The following ZNF804A variants were observed in gnomAD, a reference collection of about 807,000 sequenced individuals.
ZNF804A encodes zinc finger protein 804A.
ZNF804A carries 2 observed loss-of-function variants against 16.5 expected under a neutral mutation model. That is an observed-to-expected ratio of 0.12 (90% CI 0.05 to 0.38). ZNF804A has a LOEUF of 0.38. Among genes scored for constraint, ZNF804A ranks in the 10% least tolerant of loss-of-function variants. ZNF804A has a pLI of 0.99. For synonymous variants in ZNF804A, 534 were observed against 489.6 expected (o/e 1.09, Z -1.20); for missense variants, 1,473 against 1,390.7 (o/e 1.06, Z -0.94).
intron 2 of ZNF804A, among the ~76,000 whole-genome samples, chr2:184,888,128 A>T (rs1020791207): frequency 6.6e-6 from 1 of 152,174 alleles, no homozygotes. Context: ...CTAAAATAAA[A>T]ATTTTTAATG....
chr2:184,704,588 A>G (rs1692991251), intron 1 of ZNF804A, among the ~76,000 whole-genome samples: 1 of 152,198 alleles, frequency 6.6e-6, no homozygotes, highest in Non-Finnish European at 1.5e-5. Context: ...AATTAGTCAG[A>G]GTCCTAGGTT....
intron 1 of ZNF804A, among the ~76,000 whole-genome samples, chr2:184,778,684 C>T (rs993675114): frequency 2.0e-4 from 30 of 151,656 alleles, no homozygotes; most frequent in African/African-American, 7.3e-4. Context: ...CAACACCAGG[C>T]ATTCTTTAAT....
chr2:184,713,418 G>A (rs575544166), intron 1 of ZNF804A, among the ~76,000 whole-genome samples: 41 of 151,540 alleles, frequency 2.7e-4, no homozygotes, highest in Non-Finnish European at 5.3e-4. Flanking sequence ...TCCAAACCAC[G>A]GTTTAATTTC....
chr2:184,767,761 TA>T (rs1249067783), intron 1 of ZNF804A, among the ~76,000 whole-genome samples: 5 of 152,080 alleles, frequency 3.3e-5, no homozygotes, highest in Non-Finnish European at 7.4e-5. Context: ...GGTAAAAATG[TA>T]AGGAATTACA....
At chr2:184,870,846 G>A (rs942882131) in intron 2 of ZNF804A, among the ~76,000 whole-genome samples, 17 of 151,684 alleles carry the variant, frequency 1.1e-4, no homozygotes, top group African/African-American at 2.7e-4. Context: ...TGAGTTATTC[G>A]AACATTCATA....
chr2:184,884,868 G>C (rs111895921), intron 2 of ZNF804A, among the ~76,000 whole-genome samples: 5,992 of 152,186 alleles, frequency 0.039, 382 homozygotes, highest in African/African-American at 0.13. Context: ...TTAAATGAAA[G>C]AGCTTTGTAC....
Position 184,680,842 on chromosome 2 carries a change from C to T in ZNF804A, c.111+81772C>T, listed in dbSNP as rs13407990. 2.6e-3 allele frequency among the ~76,000 whole-genome samples: 389 copies of T among 152,356 alleles called. 2 individuals carry two copies. Among genetic ancestry groups the T allele is most frequent in the African/African-American group, 7.9e-3 (329 of 41,588 alleles). ...CTGTGGTTCTTCAGGGAGCTTAGACCTAGGAGCTCCCCCAAGCCAGGGCTG... is the reference window on the plus strand; with the variant it reads ...CTGTGGTTCTTCAGGGAGCTTAGACTTAGGAGCTCCCCCAAGCCAGGGCTG... On this transcript the variant is annotated intron_variant, in intron 1 of 3. Coordinates refer to ENST00000302277, the MANE Select transcript of ZNF804A (RefSeq NM_194250.2).
chr2:184,874,098 G>T lies in ZNF804A; in HGVS notation c.255+7586G>T, dbSNP rs569779359. ...TTAGAAATAAAAATAGTGAACAAAA[G>T]ATTGCAAAGACTACACCTTTTTTAT... On this transcript the variant is annotated intron_variant, in intron 2 of 3. Coordinates refer to ENST00000302277, the MANE Select transcript of ZNF804A (RefSeq NM_194250.2). 4.6e-4 allele frequency among the ~76,000 whole-genome samples: 70 copies of T among 152,174 alleles called. 2 individuals carry two copies. In the South Asian group the frequency reaches 0.012, roughly 27 times the overall value.
intron 1 of ZNF804A, among the ~76,000 whole-genome samples, chr2:184,623,254 A>G (rs1244291736): frequency 2.0e-5 from 3 of 152,124 alleles, no homozygotes; most frequent in Non-Finnish European, 2.9e-5. Flanking sequence ...AAGTAATGGG[A>G]TATTAGAAAT....
At chr2:184,831,718 T>A (rs1695264308) in intron 1 of ZNF804A, among the ~76,000 whole-genome samples, 1 of 150,320 alleles carries the variant, frequency 6.7e-6, no homozygotes, top group African/African-American at 2.4e-5. Flanking sequence ...TATCCTCCTA[T>A]GTGATGTTGG....
chr2:184,834,942 TTATGTAAGTCA>T (rs1363046926), intron 1 of ZNF804A, among the ~76,000 whole-genome samples: 2 of 152,156 alleles, frequency 1.3e-5, no homozygotes, highest in African/African-American at 4.8e-5. Context: ...GAATGTTGAA[TTATGTAAGTCA>T]TATGTAAGTC....
intron 1 of ZNF804A, among the ~76,000 whole-genome samples, chr2:184,632,658 G>A (rs1016865311): frequency 3.9e-5 from 6 of 152,182 alleles, no homozygotes; most frequent in Non-Finnish European, 7.3e-5. Context: ...GATTACAGGC[G>A]TAAGCCACCT....
At chr2:184,818,320 T>C (rs1003888705) in intron 1 of ZNF804A, among the ~76,000 whole-genome samples, 1 of 151,734 alleles carries the variant, frequency 6.6e-6, no homozygotes, top group African/African-American at 2.4e-5. Flanking sequence ...GCTTCAGAAG[T>C]GAAAGAGAAA....
intron 2 of ZNF804A, among the ~76,000 whole-genome samples, chr2:184,925,585 T>A (rs1685597211): frequency 6.6e-6 from 1 of 152,002 alleles, no homozygotes; most frequent in South Asian, 2.1e-4. Flanking sequence ...ATTTTGTTAG[T>A]TGTTTTCTGG....
chr2:184,934,171 A>G (rs1222604397), intron 3 of ZNF804A, among the ~76,000 whole-genome samples: 2 of 152,212 alleles, frequency 1.3e-5, no homozygotes, highest in South Asian at 2.1e-4. Context: ...CTAAAAAAGG[A>G]TAAGAATTTT....
At chr2:184,849,966 C>T (rs1045533107) in intron 1 of ZNF804A, among the ~76,000 whole-genome samples, 14 of 151,726 alleles carry the variant, frequency 9.2e-5, no homozygotes, top group East Asian at 1.9e-4. Flanking sequence ...ACGGGAGGCA[C>T]GGAAAGAGAA....
intron 2 of ZNF804A, among the ~76,000 whole-genome samples, chr2:184,900,258 T>C (rs148690573): frequency 6.6e-6 from 1 of 152,258 alleles, no homozygotes; most frequent in African/African-American, 2.4e-5. Context: ...CCCTTCTCTT[T>C]GAAAACAAAA....
intron 1 of ZNF804A, among the ~76,000 whole-genome samples, chr2:184,740,396 A>T (rs1407907096): frequency 2.6e-5 from 4 of 152,238 alleles, no homozygotes; most frequent in Non-Finnish European, 4.4e-5. Flanking sequence ...CGGTGCTTAC[A>T]TAATATGCTT....
chr2:184,905,599 C>T (rs983449388), intron 2 of ZNF804A, among the ~76,000 whole-genome samples: 3 of 152,030 alleles, frequency 2.0e-5, no homozygotes, highest in African/African-American at 7.2e-5. Flanking sequence ...TGTAGTAGAA[C>T]CAGTATGATT....
Sources: allele counts gnomAD v4.1 joint callset (sites outside exome capture counted in the v4.1 genomes callset), GRCh38; gene constraint gnomAD v4.1.1; transcripts MANE v1.5; gene names NCBI Gene and HGNC (gene_info 2026-07-23, HGNC 2026-07-21).